SRRM1: variants seen among roughly 807,000 people sequenced by gnomAD.
SRRM1 encodes serine/arginine repetitive matrix protein 1.
Under a neutral mutation model 110.2 loss-of-function variants are expected in SRRM1, and 19 were observed. That is an observed-to-expected ratio of 0.17 (90% CI 0.12 to 0.25). SRRM1 has a LOEUF of 0.25. Ranked by LOEUF, SRRM1 falls within the 10% of genes least tolerant of loss-of-function variation. The pLI is 1.00. For missense variants in SRRM1, 918 were observed against 1,145.8 expected, an observed-to-expected ratio of 0.80 and a Z score of 2.87; for synonymous variants, 443 against 414.9, an observed-to-expected ratio of 1.07 and a Z score of -0.82.
chr1:24,667,702 T>G (rs141775348), intron 13 of SRRM1, among the ~76,000 whole-genome samples: 19 of 152,290 alleles, frequency 1.2e-4, no homozygotes, highest in African/African-American at 4.3e-4. Context: ...GGAACATTGA[T>G]TAAGTCCTGG....
At chr1:24,644,130 G>A (rs1226106579) in intron 1 of SRRM1, among the ~76,000 whole-genome samples, 1 of 152,100 alleles carries the variant, frequency 6.6e-6, no homozygotes, top group African/African-American at 2.4e-5. Context: ...CTGGTGAAAG[G>A]TAACTCTTAC....
chr1:24,652,298 A>T, intron 6 of SRRM1, 136 bp from the exon 7 acceptor site: 1 of 588,322 alleles, frequency 1.7e-6, no homozygotes, highest in Non-Finnish European at 2.9e-6. Flanking sequence ...ATACATACTT[A>T]TGTGTCTTTT....
chr1:24,670,295 C>A lies in SRRM1; in HGVS notation c.2380C>A (p.Pro794Thr). 6.2e-7 allele frequency: 1 copy of A among 1,612,786 alleles called. No individual in the cohort carries two copies. The highest frequency in any genetic ancestry group is 8.5e-7 in the Non-Finnish European group (1 of 1,179,604). ...GGTCAAAAAGGCCAAAAGCCCAACA[C>A]CGAGCCCATCACCGCCAAGAGTATG... ...VPVKKAKSPT[P>T]SPSPPRNSDQ... Residue 794 changes from proline to threonine, a missense_variant, in exon 15 of 17, where the codon CCG becomes ACG. This residue lies in a region of SRRM1 where 357 missense variants were observed against 402.9 expected (regional missense o/e 0.89). Coordinates refer to ENST00000323848, the MANE Select transcript of SRRM1 (RefSeq NM_005839.4).
chr1:24,662,671 T>C lies in SRRM1; in HGVS notation c.1495T>C (p.Ser499Pro), dbSNP rs1175016553. 2.5e-6 allele frequency: 4 copies of C among 1,613,728 alleles called. No individual in the cohort carries two copies. In the Admixed American group the frequency reaches 5.0e-5, roughly 20 times the overall value. ...NQQSSSDSGS[S>P]SSSEDERPKR... is the part of the protein sequence containing the mutation. ...TTTTGTAATTATAGACTCTGGCTCCTCCTCCTCCTCAGAAGATGAACGACC... is the reference window on the plus strand; with the variant it reads ...TTTTGTAATTATAGACTCTGGCTCCCCCTCCTCCTCAGAAGATGAACGACC... The change falls in exon 12 of 17, where the codon TCC becomes CCC. Residue 499 changes from serine (S) to proline (P), a missense_variant. Around this residue, in one of 5 missense-constraint regions of SRRM1, gnomAD observed 357 missense variants for 402.9 expected, o/e 0.89. Transcript: ENST00000323848.
chr1:24,663,003 T>G (rs1294498557), intron 12 of SRRM1, 199 bp downstream of exon 12: 12 of 968,024 alleles, frequency 1.2e-5, no homozygotes, highest in Non-Finnish European at 1.7e-5. Context: ...AATTGGTAAA[T>G]TTTAAACCAC....
intron 8 of SRRM1, among the ~76,000 whole-genome samples, chr1:24,654,523 A>T: frequency 6.6e-6 from 1 of 152,324 alleles, no homozygotes; most frequent in East Asian, 1.9e-4. Flanking sequence ...CAAATTTTAT[A>T]TGCAAACTCC....
In SRRM1 at chr1:24,652,589, C is replaced by G. The variant is rs1293781736; in HGVS notation, c.881C>G (p.Ser294Cys). ...TCCCGGACGCGGTCCCGCTCTCCTT[C>G]TCACACTCGACCTAGACGGCGCCAT... ...SRSRTRSRSP[S>C]HTRPRRRHRS... is the part of the protein sequence containing the mutation. The change falls in exon 7 of 17, where the codon TCT (serine) becomes TGT (cysteine). Residue 294 changes from serine (S) to cysteine (C), a missense_variant. Ser to Cys is a moderately radical substitution (Grantham distance 112, BLOSUM62 -1). Around this residue, in one of 5 missense-constraint regions of SRRM1, gnomAD observed 456 missense variants for 453.5 expected, o/e 1.01. Transcript: ENST00000323848. 1 of 1,612,900 alleles carries G rather than the reference C, an allele frequency of 6.2e-7. No individual in the cohort carries two copies. The highest frequency in any genetic ancestry group is 1.3e-5 in the African/African-American group (1 of 74,808).
intron 2 of SRRM1, among the ~76,000 whole-genome samples, chr1:24,646,410 C>T (rs1370197408): frequency 6.6e-6 from 1 of 151,904 alleles, no homozygotes; most frequent in Non-Finnish European, 1.5e-5. Flanking sequence ...GCCTGTAATC[C>T]CAGCTAATTG....
Position 24,669,020 on chromosome 1 carries a change from T to C in SRRM1, c.1740-103T>C, listed in dbSNP as rs148732877. 2.7e-4 allele frequency: 229 copies of C among 837,704 alleles called. 2 individuals carry two copies. The East Asian group carries it at 5.7e-3, about 21-fold the overall frequency. The allele number at this position is 837,704 out of a possible 1,614,324, so 51.9% of individuals were successfully genotyped here. On this transcript the variant is annotated intron_variant, in intron 13 of 16. Transcript: ENST00000323848. ...ATGTTCACTTATAAATATATTCCCT[T>C]TGCCTAGTGCTAACTACAGTATAGC... is the stretch of plus-strand genomic sequence containing the variant.
Position 24,669,516 on chromosome 1 carries a change from G to T in SRRM1, c.2133G>T (p.Arg711Ser), listed in dbSNP as rs1284021850. The T allele has an allele frequency of 1.2e-6, 2 of 1,610,272 alleles. No individual in the cohort carries two copies. Among genetic ancestry groups the T allele is most frequent in the Non-Finnish European group, 1.7e-6 (2 of 1,178,256 alleles). Residue 711 changes from arginine (R) to serine (S), a missense_variant, in exon 14 of 17, where the codon AGG (arginine) becomes AGT (serine). Around this residue, in one of 5 missense-constraint regions of SRRM1, gnomAD observed 357 missense variants for 402.9 expected, o/e 0.89. Transcript: ENST00000323848. ...RRGASSSPQR[R>S]QSPSPSTRPI... ...GAGCGTCGTCATCACCCCAAAGAAG[G>T]CAGTCCCCGTCTCCAAGTACTAGGC...
Position 24,662,822 on chromosome 1 carries a change from GTGATGTTCAC to G in SRRM1, c.1628+27_1628+36del. ...TCCCCTCGGTAACATCTTTGCTTCAGTGATGTTCACTGATGTTCTGTAATTGTGATGAAAT... is the reference window on the plus strand; with the variant it reads ...TCCCCTCGGTAACATCTTTGCTTCAGTGATGTTCTGTAATTGTGATGAAAT... On this transcript the variant is annotated intron_variant, in intron 12 of 16. Coordinates refer to ENST00000323848, the MANE Select transcript of SRRM1 (RefSeq NM_005839.4). 1 of 1,613,754 alleles carries G rather than the reference GTGATGTTCAC, an allele frequency of 6.2e-7. No individual in the cohort carries two copies. Among genetic ancestry groups the G allele is most frequent in the Non-Finnish European group, 8.5e-7 (1 of 1,179,744 alleles).
At chr1:24,654,045 CAT>C (rs1189537638) in intron 8 of SRRM1, among the ~76,000 whole-genome samples, 1 of 152,090 alleles carries the variant, frequency 6.6e-6, no homozygotes, top group African/African-American at 2.4e-5. Context: ...GTGTTGTGCT[CAT>C]AGAGGAAATT....
intron 3 of SRRM1, chr1:24,647,268 A>T (rs750646053): frequency 1.3e-5 from 2 of 153,126 alleles, no homozygotes; most frequent in Admixed American, 1.3e-4. Flanking sequence ...AACAGGAAAG[A>T]GCAATTGGGT....
At chr1:24,655,259 GTTTA>G in intron 9 of SRRM1, 130 bp downstream of exon 9, 1 of 1,083,542 alleles carries the variant, frequency 9.2e-7, no homozygotes. Context: ...CTCTCTGTAG[GTTTA>G]CTTATAAGCC....
At position 24,646,860 on chromosome 1, in the gene SRRM1, T is replaced by C. The variant is rs1176262877; in HGVS notation, c.234+71T>C. 1.5e-5 allele frequency: 20 copies of C among 1,344,322 alleles called. No homozygotes were observed. In the Admixed American group the frequency reaches 5.3e-4, roughly 36 times the overall value. The allele number at this position is 1,344,322 out of a possible 1,614,324, so 83.3% of individuals were successfully genotyped here. A position where few individuals can be genotyped will look rare whatever the true frequency, so the allele number is the denominator to read the frequency against. On this transcript the variant is annotated intron_variant, in intron 3 of 16. Transcript: ENST00000323848. Reference sequence around the variant, plus strand: ...TTGTGAATCTTTGGAAACTGAATTTTTTCTATGGAGTGCAAATATAGAAGG... The same window carrying C: ...TTGTGAATCTTTGGAAACTGAATTTCTTCTATGGAGTGCAAATATAGAAGG...
chr1:24,653,834 G>T (rs1425076639), intron 8 of SRRM1, among the ~76,000 whole-genome samples: 1 of 152,154 alleles, frequency 6.6e-6, no homozygotes, highest in Non-Finnish European at 1.5e-5. Context: ...ATTTTGGACA[G>T]AATTTTTTGT....
chr1:24,668,577 G>T (rs1378796059), intron 13 of SRRM1, among the ~76,000 whole-genome samples: 1 of 152,212 alleles, frequency 6.6e-6, no homozygotes, highest in Non-Finnish European at 1.5e-5. Flanking sequence ...TTTTGAGACA[G>T]AAAATGGAAC....
intron 12 of SRRM1, 134 bp downstream of exon 12, chr1:24,662,938 G>C: frequency 1.5e-5 from 19 of 1,280,308 alleles, no homozygotes; most frequent in Non-Finnish European, 1.5e-5. Flanking sequence ...TGCTTTTTAG[G>C]GTTTCTGTTT....
Position 24,643,357 on chromosome 1 carries a change from A to AGCGCCGG in SRRM1, c.21+19_21+25dup, listed in dbSNP as rs758611536. On this transcript the variant is annotated intron_variant, in intron 1 of 16. Transcript: ENST00000323848. ...CGCGGGATTTTTCCGCGTAAGTAGA[A>AGCGCCGG]GCGCCGGGCGCCGGGGTGAGGCCAG... is the stretch of plus-strand genomic sequence containing the variant. 8 of 1,548,874 alleles carry AGCGCCGG rather than the reference A, an allele frequency of 5.2e-6. No individual in the cohort carries two copies. The highest frequency in any genetic ancestry group is 4.2e-5 in the Admixed American group (2 of 47,548).
Sources: gnomAD v4.1 joint callset for allele counts (sites outside exome capture counted in the v4.1 genomes callset) on GRCh38, gnomAD v4.1.1 for gene constraint, gnomAD v4.1.1 regional missense constraint, MANE v1.5 for transcripts, NCBI Gene and HGNC (gene_info 2026-07-23, HGNC 2026-07-21) for gene names.